Variants in ADGRB2 observed in about 807,000 individuals in gnomAD.
ADGRB2 encodes the protein adhesion G protein-coupled receptor B2.
Under a neutral mutation model 178.7 loss-of-function variants are expected in ADGRB2, and 47 were observed. The observed-to-expected ratio is 0.26, with a 90% confidence interval of 0.21 to 0.34. The LOEUF (loss-of-function observed/expected upper bound fraction) is 0.34, where lower values mean the gene tolerates loss of function less well. Ranked by LOEUF, ADGRB2 falls within the 10% of genes least tolerant of loss-of-function variation. The probability of loss-of-function intolerance (pLI) is 1.00; values close to 1 mark genes in which losing one functional copy is unlikely to be tolerated. For synonymous variants in ADGRB2, 870 were observed against 912.4 expected, an observed-to-expected ratio of 0.95 and a Z score of 0.84; for missense variants, 1,584 against 2,180.8, an observed-to-expected ratio of 0.73 and a Z score of 5.45.
At chr1:31,749,589 A>T (rs1257585926) in intron 4 of ADGRB2, among the ~76,000 whole-genome samples, 2 of 152,238 alleles carry the variant, frequency 1.3e-5, no homozygotes, top group East Asian at 3.8e-4. Flanking sequence ...AGAGATGTGG[A>T]CTGTCTGGAG....
chr1:31,759,564 A>T lies in ADGRB2; in HGVS notation c.-190-2053T>A. 1.7e-6 allele frequency: 1 copy of T among 598,236 alleles called. No individual in the cohort carries two copies. 37.1% of individuals were successfully genotyped at this position (598,236 alleles called of 1,614,324 possible). ...CCAATCCAACCCCCCTCCTCCCCTC[A>T]GTCTCCTTCAGACACCTTCACGCTC... On this transcript the variant is annotated intron_variant, in intron 1 of 32. Coordinates refer to ENST00000373658, the MANE Select transcript of ADGRB2 (RefSeq NM_001364857.2). The surrounding 1 kb of genome is among the most constrained non-coding windows in gnomAD (Gnocchi z 4.3).
chr1:31,744,777 G>T lies in ADGRB2; in HGVS notation c.839-46C>A. 2.5e-6 allele frequency: 4 copies of T among 1,597,324 alleles called. No individual in the cohort carries two copies. The highest frequency in any genetic ancestry group is 3.4e-6 in the Non-Finnish European group (4 of 1,165,200). On this transcript the variant is annotated intron_variant, in intron 4 of 32. Coordinates refer to ENST00000373658, the MANE Select transcript of ADGRB2 (RefSeq NM_001364857.2). This position sits in a 1 kb window ranked among gnomAD's most constrained non-coding sequence, Gnocchi z 6.7. ...CAGGGGCTCAGCAAAGGCCAGCTAG[G>T]TTCTGTTACAGTGGCACAGTGAAGG... is the stretch of plus-strand genomic sequence containing the variant.
chr1:31,756,929 T>C lies in ADGRB2; in HGVS notation c.22-114A>G, dbSNP rs1050146924. The stretch of plus-strand genomic sequence containing the variant: ...TAAGTTAAGACCCTGGTCTTTGAAG[T>C]GTCACCTGGGTCCACCTGTGTGAAC... On this transcript the variant is annotated intron_variant, in intron 3 of 32. Coordinates refer to ENST00000373658, the MANE Select transcript of ADGRB2 (RefSeq NM_001364857.2). This position sits in a 1 kb window ranked among gnomAD's most constrained non-coding sequence, Gnocchi z 8.5. 2.5e-5 allele frequency: 30 copies of C among 1,187,190 alleles called. No individual in the cohort carries two copies. The highest frequency in any genetic ancestry group is 2.8e-4 in the Middle Eastern group (1 of 3,516). The allele number at this position is 1,187,190 out of a possible 1,614,324, so 73.5% of individuals were successfully genotyped here.
At chr1:31,746,100 G>A (rs562089024) in intron 4 of ADGRB2, among the ~76,000 whole-genome samples, 2 of 152,060 alleles carry the variant, frequency 1.3e-5, no homozygotes, top group African/African-American at 2.4e-5. Flanking sequence ...GTGTGGCCTC[G>A]GGCATGTCTC....
chr1:31,745,006 T>C (rs556391995), intron 4 of ADGRB2, among the ~76,000 whole-genome samples: 4 of 152,226 alleles, frequency 2.6e-5, no homozygotes, highest in Admixed American at 2.0e-4. Context: ...TTAAGGGGCA[T>C]GGCTGCCCAT....
At chr1:31,745,451 T>C (rs1646224026) in intron 4 of ADGRB2, among the ~76,000 whole-genome samples, 1 of 152,172 alleles carries the variant, frequency 6.6e-6, no homozygotes, top group Non-Finnish European at 1.5e-5. Context: ...CCCACCAGGC[T>C]CTCAGCTGCC....
chr1:31,744,439 G>T lies in ADGRB2; in HGVS notation c.923-82C>A. On this transcript the variant is annotated intron_variant, in intron 5 of 32. Coordinates refer to ENST00000373658, the MANE Select transcript of ADGRB2 (RefSeq NM_001364857.2). This position sits in a 1 kb window ranked among gnomAD's most constrained non-coding sequence, Gnocchi z 6.7. ...TAGGGATAGGGGGAGTGGCAGTAAG[G>T]TGGGGGCAGGCATCAGAGGGCTCCT... 6.6e-7 allele frequency: 1 copy of T among 1,518,084 alleles called. No individual in the cohort carries two copies. Among genetic ancestry groups the T allele is most frequent in the East Asian group, 2.5e-5 (1 of 40,650 alleles). The allele number at this position is 1,518,084 out of a possible 1,614,324, so 94.0% of individuals were successfully genotyped here.
At chr1:31,746,796 G>T (rs910754828) in intron 4 of ADGRB2, among the ~76,000 whole-genome samples, 2 of 152,258 alleles carry the variant, frequency 1.3e-5, no homozygotes, top group African/African-American at 4.8e-5. Context: ...AGCCTTCTCA[G>T]GAGGGCTCCA....
Position 31,728,331 on chromosome 1 carries a change from C to T in ADGRB2, c.4417-51G>A. Reference sequence around the variant, plus strand: ...TCGCTCCCCGGGGCAGCACCATGATCCCCCCTACCCAGGGCACTCAGCACC... The same window carrying T: ...TCGCTCCCCGGGGCAGCACCATGATTCCCCCTACCCAGGGCACTCAGCACC... On this transcript the variant is annotated intron_variant, in intron 30 of 32. Transcript: ENST00000373658. This position sits in a 1 kb window ranked among gnomAD's most constrained non-coding sequence, Gnocchi z 6.7. The T allele has an allele frequency of 4.5e-6, 7 of 1,568,846 alleles. No individual in the cohort carries two copies. Among genetic ancestry groups the T allele is most frequent in the African/African-American group, 1.3e-5 (1 of 74,134 alleles).
chr1:31,747,700 A>G (rs1306400937), intron 4 of ADGRB2, among the ~76,000 whole-genome samples: 4 of 152,178 alleles, frequency 2.6e-5, no homozygotes, highest in Admixed American at 2.0e-4. Flanking sequence ...ACCCCCAGGG[A>G]ATGCCAGCAC....
In ADGRB2 at chr1:31,749,937, GAA is replaced by G. The variant is rs200935640; in HGVS notation, c.839-5208_839-5207del. On this transcript the variant is annotated intron_variant, in intron 4 of 32. Coordinates refer to ENST00000373658, the MANE Select transcript of ADGRB2 (RefSeq NM_001364857.2). ...TTTCAGAAAAAGAGAGAGAGAGAGA[GAA>G]AGAAAGAAAGGAAAGAAAGAAAGAA... Among the ~76,000 whole-genome samples, 1,163 of 149,516 alleles carry G rather than the reference GAA, an allele frequency of 7.8e-3. 13 individuals are homozygous for G. Among genetic ancestry groups the G allele is most frequent in the East Asian group, 0.037 (183 of 4,998 alleles).
Position 31,738,242 on chromosome 1 carries a change from G to T in ADGRB2, c.2730C>A (p.His910Gln), listed in dbSNP as rs760313680. 5.0e-6 allele frequency: 8 copies of T among 1,614,024 alleles called. No homozygotes were observed. Among genetic ancestry groups the T allele is most frequent in the Non-Finnish European group, 6.8e-6 (8 of 1,180,022 alleles). Residue 910 changes from histidine (H) to glutamine (Q), a missense_variant, in exon 18 of 33, where the codon CAC becomes CAA. Coordinates refer to ENST00000373658, the MANE Select transcript of ADGRB2 (RefSeq NM_001364857.2). ...GGGCTAGTACAGCAAAGGTGGACAG[G>T]TGCTGGCACTGGCAGCGGGTGTGAG... is the stretch of plus-strand genomic sequence containing the variant. ...QAAHTRCQCQ[H>Q]LSTFAVLAQP...
At chr1:31,752,686 G>A (rs1007667060) in intron 4 of ADGRB2, among the ~76,000 whole-genome samples, 1 of 152,168 alleles carries the variant, frequency 6.6e-6, no homozygotes, top group African/African-American at 2.4e-5. Flanking sequence ...TCAAAAGCAG[G>A]TGGTAGCTAG....
Position 31,730,905 on chromosome 1 carries a change from C to T in ADGRB2, c.4275G>A (p.Pro1425=), listed in dbSNP as rs41311144. The T allele has an allele frequency of 2.2e-3, 3,409 of 1,579,720 alleles. 3 individuals are homozygous for T. The highest frequency in any genetic ancestry group is 2.7e-3 in the Non-Finnish European group (3,171 of 1,162,156). The change falls in exon 29 of 33, where the codon CCG becomes CCA. Residue 1425 remains proline, a synonymous_variant. Coordinates refer to ENST00000373658, the MANE Select transcript of ADGRB2 (RefSeq NM_001364857.2). The part of the protein sequence containing the change: ...LQNPYGMTFQ[P]PPPTPSARQV... ...GGCGGGCGCTGGGTGTCGGCGGTGG[C>T]GGTTGGAAGGTCATTCCATAGGGAT...
Position 31,732,105 on chromosome 1 carries a change from G to A in ADGRB2, c.3760+10C>T, listed in dbSNP as rs746167548. The A allele has an allele frequency of 6.2e-7, 1 of 1,613,934 alleles. No individual in the cohort carries two copies. The highest frequency in any genetic ancestry group is 8.5e-7 in the Non-Finnish European group (1 of 1,179,904). ...CAGGACCATTCTCAGTTCTGCCACG[G>A]CACACTCACCTGTTTGACAAGCCAG... On this transcript the variant is annotated intron_variant, in intron 28 of 32. Coordinates refer to ENST00000373658, the MANE Select transcript of ADGRB2 (RefSeq NM_001364857.2).
chr1:31,764,066 GGGGCGGGCGGGC>G lies in ADGRB2; in HGVS notation c.-385_-374del, dbSNP rs1307581482. The G allele has an allele frequency of 4.2e-6, 4 of 955,072 alleles. No homozygotes were observed. Among genetic ancestry groups the G allele is most frequent in the Admixed American group, 1.3e-4 (2 of 15,568 alleles). 59.2% of individuals were successfully genotyped at this position (955,072 alleles called of 1,614,324 possible). On this transcript the variant is annotated 5_prime_UTR_variant, in exon 1 of 33. Transcript: ENST00000373658. The surrounding 1 kb of genome is among the most constrained non-coding windows in gnomAD (Gnocchi z 7.3). ...CAGAAAAGGCGCCGCGGAGCAGCGC[GGGGCGGGCGGGC>G]GGGCGGCGCCGGGCCGGGCGCGGGC...
chr1:31,736,614 C>T lies in ADGRB2; in HGVS notation c.3089G>A (p.Arg1030His), dbSNP rs1359051346. The change falls in exon 21 of 33, where the codon CGC becomes CAC. Residue 1030 changes from arginine to histidine, a missense_variant. Around this residue, in one of 3 missense-constraint regions of ADGRB2, gnomAD observed 865 missense variants for 1,192.8 expected, o/e 0.73. Transcript: ENST00000373658. ...GAAGCGCTTGCGAACGAGGCGGGTG[C>T]GCATCCGCCCAATGACAGCCAGGTA... is the stretch of plus-strand genomic sequence containing the variant. ...QSYLAVIGRM[R>H]TRLVRKRFLC... is the part of the protein sequence containing the mutation. The T allele has an allele frequency of 3.7e-6, 6 of 1,613,968 alleles. No homozygotes were observed. The East Asian group carries it at 8.9e-5, about 24-fold the overall frequency.
rs1480208293 is a variant in ADGRB2 at position 31,730,975 on chromosome 1, T to G, written c.4205A>C (p.Asp1402Ala). The change falls in exon 29 of 33, where the codon GAC becomes GCC. Residue 1402 changes from aspartate to alanine, a missense_variant. Asp to Ala is a moderately radical substitution (Grantham distance 126). Transcript: ENST00000373658. Reference protein sequence around the residue: ...TEGYPSFLSVDHSGLGLGPAY... With the variant: ...TEGYPSFLSVAHSGLGLGPAY... Reference sequence around the variant, plus strand: ...AGGGCCCAGCCCCAGGCCCGAGTGGTCCACGGACAGGAAGCTGGGGTAGCC... The same window carrying G: ...AGGGCCCAGCCCCAGGCCCGAGTGGGCCACGGACAGGAAGCTGGGGTAGCC... The G allele has an allele frequency of 8.3e-6, 13 of 1,565,578 alleles. No individual in the cohort carries two copies. Among genetic ancestry groups the G allele is most frequent in the Non-Finnish European group, 1.1e-5 (13 of 1,152,528 alleles).
intron 4 of ADGRB2, among the ~76,000 whole-genome samples, chr1:31,746,367 C>A (rs571693550): frequency 6.6e-6 from 1 of 152,262 alleles, no homozygotes; most frequent in Admixed American, 6.5e-5. Context: ...TTCCACTTGG[C>A]CCCTGCCTCT....
Sources: gnomAD v4.1 joint callset for allele counts (sites outside exome capture counted in the v4.1 genomes callset) on GRCh38, gnomAD v4.1.1 for gene constraint, gnomAD v4.1.1 regional missense constraint, Gnocchi (gnomAD v3.1) non-coding constraint, MANE v1.5 for transcripts, NCBI Gene and HGNC (gene_info 2026-07-23, HGNC 2026-07-21) for gene names.